Variants in LRBA observed in about 807,000 individuals in gnomAD.
LRBA encodes the protein LPS responsive beige-like anchor protein.
LRBA carries 176 observed loss-of-function variants against 330.0 expected under a neutral mutation model. That is an observed-to-expected ratio of 0.53 (90% CI 0.47 to 0.60). The LOEUF is 0.60. Ranked by LOEUF, LRBA falls within the 20% of genes least tolerant of loss-of-function variation. LRBA has a pLI of 0.00. For synonymous variants in LRBA, 1,230 were observed against 1,193.0 expected (o/e 1.03, Z -0.64); for missense variants, 3,259 against 3,444.8 (o/e 0.95, Z 1.35).
At chr4:150,859,482 A>C (rs758165057) in intron 22 of LRBA, among the ~76,000 whole-genome samples, 4 of 152,208 alleles carry the variant, frequency 2.6e-5, no homozygotes, top group African/African-American at 7.2e-5. Context: ...AACAAACAAA[A>C]AAAAATGAAA....
chr4:150,297,576 C>A (rs1729129486), intron 53 of LRBA, among the ~76,000 whole-genome samples: 1 of 152,158 alleles, frequency 6.6e-6, no homozygotes, highest in African/African-American at 2.4e-5. Flanking sequence ...CTTGATGAGA[C>A]ACACACAAGA....
intron 17 of LRBA, among the ~76,000 whole-genome samples, chr4:150,882,001 G>A (rs748558355): frequency 6.6e-5 from 10 of 151,862 alleles, no homozygotes; most frequent in Non-Finnish European, 1.3e-4. Context: ...CAGGAGAATC[G>A]CTTCAACCCG....
At chr4:150,504,500 A>G (rs888555637) in intron 40 of LRBA, among the ~76,000 whole-genome samples, 5 of 152,234 alleles carry the variant, frequency 3.3e-5, no homozygotes, top group Admixed American at 1.3e-4. Flanking sequence ...ACTAAGCTTC[A>G]TAAGTGAACA....
chr4:150,955,827 G>C (rs1737491112), intron 2 of LRBA, among the ~76,000 whole-genome samples: 1 of 148,324 alleles, frequency 6.7e-6, no homozygotes, highest in Non-Finnish European at 1.5e-5. Flanking sequence ...GGGAGGCAGA[G>C]GTTGTGGTGA....
chr4:150,491,087 GTTGT>G (rs775307528), intron 40 of LRBA, 52 bp from the exon 41 acceptor site: 1 of 840,002 alleles, frequency 1.2e-6, no homozygotes, highest in East Asian at 2.7e-5. Flanking sequence ...GTTTTTTGTT[GTTGT>G]TTCTTTCCCC....
rs533318021 is a variant in LRBA at position 150,411,342 on chromosome 4, A to C, written c.7194+4096T>G. 3.9e-5 allele frequency among the ~76,000 whole-genome samples: 6 copies of C among 152,310 alleles called. No individual in the cohort carries two copies. The East Asian group carries it at 1.2e-3, about 29-fold the overall frequency. On this transcript the variant is annotated intron_variant, in intron 47 of 56. Transcript: ENST00000651943. ...TTACAGTCCTCTAACACAAACAGGG[A>C]ATGTAGCATTACTGGTTCACTACCA...
At chr4:150,754,174 T>C (rs534823263) in intron 35 of LRBA, among the ~76,000 whole-genome samples, 8 of 144,214 alleles carry the variant, frequency 5.5e-5, no homozygotes, top group African/African-American at 2.0e-4. Flanking sequence ...AGTATATTAA[T>C]GATAAGCTGA....
intron 37 of LRBA, among the ~76,000 whole-genome samples, chr4:150,628,743 T>G (rs2126659760): frequency 1.3e-5 from 2 of 152,324 alleles, no homozygotes; most frequent in South Asian, 4.1e-4. Flanking sequence ...CATAAGGCAA[T>G]AAAACCTACT....
At chr4:150,703,076 G>T (rs560019165) in intron 36 of LRBA, among the ~76,000 whole-genome samples, 1 of 152,244 alleles carries the variant, frequency 6.6e-6, no homozygotes, top group East Asian at 1.9e-4. Flanking sequence ...CGTAAGAATC[G>T]CTTGAACCCT....
chr4:150,338,512 C>A (rs1411202474), intron 48 of LRBA, among the ~76,000 whole-genome samples: 1 of 152,082 alleles, frequency 6.6e-6, no homozygotes, highest in Non-Finnish European at 1.5e-5. Flanking sequence ...GCCTTTGAAG[C>A]CCCACCCCTT....
In LRBA at chr4:150,321,164, GC is replaced by G; in HGVS notation, c.7630+26del. The G allele has an allele frequency of 6.3e-7, 1 of 1,582,712 alleles. No homozygotes were observed. The highest frequency in any genetic ancestry group is 8.6e-7 in the Non-Finnish European group (1 of 1,159,426). ...TTACACAGTGTTCAGCAGTTACCAT[GC>G]CTTATAATGGTATTTCTTTACTTAC... is the stretch of plus-strand genomic sequence containing the variant. On this transcript the variant is annotated intron_variant, in intron 50 of 56. Transcript: ENST00000651943. This position sits in a 1 kb window ranked among gnomAD's most constrained non-coding sequence, Gnocchi z 4.5.
chr4:150,436,209 C>T (rs1751086037), intron 45 of LRBA, among the ~76,000 whole-genome samples: 2 of 152,140 alleles, frequency 1.3e-5, no homozygotes, highest in Non-Finnish European at 2.9e-5. Context: ...TGCCTGTATC[C>T]TTCTAACAAG....
chr4:150,508,132 C>T (rs1241601102), intron 40 of LRBA, among the ~76,000 whole-genome samples: 2 of 145,756 alleles, frequency 1.4e-5, no homozygotes, highest in African/African-American at 2.6e-5. Context: ...TGCTAAATGA[C>T]GAGTTAATGG....
At chr4:150,695,082 G>C (rs1373696458) in intron 36 of LRBA, among the ~76,000 whole-genome samples, 1 of 151,994 alleles carries the variant, frequency 6.6e-6, no homozygotes, top group Non-Finnish European at 1.5e-5. Flanking sequence ...AAATACCTAA[G>C]CATCTTCCAA....
intron 46 of LRBA, chr4:150,422,951 C>T (rs1003889065): frequency 5.0e-5 from 39 of 782,942 alleles, no homozygotes; most frequent in African/African-American, 4.1e-4. Flanking sequence ...TTCTTAATGA[C>T]GTTCCCTAGC....
rs932242682 is a variant in LRBA, at chr4:150,806,257, GA to G, written c.5518+13del. On this transcript the variant is annotated intron_variant, in intron 33 of 56. Transcript: ENST00000651943. ...TATAAATACATACAAATAAAATAAA[GA>G]AAAACCACTTACTTGTTCCTTCTAT... The G allele has an allele frequency of 3.3e-6, 5 of 1,529,304 alleles. No homozygotes were observed. The highest frequency in any genetic ancestry group is 1.8e-6 in the Non-Finnish European group (2 of 1,142,264). 94.7% of individuals were successfully genotyped at this position (1,529,304 alleles called of 1,614,324 possible). A position where few individuals can be genotyped will look rare whatever the true frequency, so the allele number is the denominator to read the frequency against.
chr4:150,680,763 T>C (rs540241286), intron 37 of LRBA, among the ~76,000 whole-genome samples: 1 of 152,176 alleles, frequency 6.6e-6, no homozygotes, highest in South Asian at 2.1e-4. Flanking sequence ...GCACCTGACC[T>C]TCTCTATAAT....
In LRBA at chr4:150,583,803, G is replaced by A. The variant is rs371459860; in HGVS notation, c.6330+4245C>T. ...GCCTCTCAGTGCTGAAGACTCTGCG[G>A]GACCGCCACCTGGAGCTACCCGGCC... On this transcript the variant is annotated intron_variant, in intron 40 of 56. Coordinates refer to ENST00000651943, the MANE Select transcript of LRBA (RefSeq NM_001364905.1). The surrounding 1 kb of genome is among the most constrained non-coding windows in gnomAD (Gnocchi z 9.8). 1.1e-4 allele frequency: 174 copies of A among 1,614,078 alleles called. No homozygotes were observed. Among genetic ancestry groups the A allele is most frequent in the Admixed American group, 2.3e-4 (14 of 60,016 alleles).
intron 40 of LRBA, among the ~76,000 whole-genome samples, chr4:150,561,696 C>T (rs898142183): frequency 2.6e-5 from 4 of 152,108 alleles, no homozygotes; most frequent in African/African-American, 9.7e-5. Flanking sequence ...CTGCCAACAC[C>T]TTGATTTTAC....
Sources: gnomAD v4.1 joint callset for allele counts (sites outside exome capture counted in the v4.1 genomes callset) on GRCh38, gnomAD v4.1.1 for gene constraint, Gnocchi (gnomAD v3.1) non-coding constraint, MANE v1.5 for transcripts, NCBI Gene and HGNC (gene_info 2026-07-23, HGNC 2026-07-21) for gene names.